The following NBAS variants were observed in gnomAD, a reference collection of about 807,000 sequenced individuals.
NBAS encodes the protein NAG/BC035112 fusion.
In NBAS, 219 loss-of-function variants were observed where a neutral mutation model predicts 302.5. That is an observed-to-expected ratio of 0.72 (90% confidence interval 0.65 to 0.81). The LOEUF is 0.81. NBAS is among the 30% of genes least tolerant of loss of function. NBAS has a pLI of 0.00. For missense variants in NBAS, 2,932 were observed against 2,841.6 expected (o/e 1.03, Z -0.72); for synonymous variants, 1,118 against 1,021.6 (o/e 1.09, Z -1.80).
intron 25 of NBAS, among the ~76,000 whole-genome samples, chr2:15,406,110 A>AC (rs1300728395): frequency 1.3e-5 from 2 of 150,124 alleles, no homozygotes; most frequent in Non-Finnish European, 3.0e-5. Flanking sequence ...ATGTAAAAAA[A>AC]AAAAACAAAA....
the NBAS span, among the ~76,000 whole-genome samples, chr2:14,900,125 T>TTTTTTTTTC: frequency 3.9e-5 from 6 of 151,964 alleles, no homozygotes; most frequent in Admixed American, 6.6e-5. Flanking sequence ...TTTTTTTTTT[T>TTTTTTTTTC]TGACTGGTTC....
chr2:15,341,091 G>T (rs932084217), intron 35 of NBAS, among the ~76,000 whole-genome samples: 1 of 152,148 alleles, frequency 6.6e-6, no homozygotes, highest in Non-Finnish European at 1.5e-5. Context: ...TTCCTTAAAA[G>T]TAAAAGGAGA....
At chr2:15,138,567 T>A in the NBAS span, among the ~76,000 whole-genome samples, 10 of 152,158 alleles carry the variant, frequency 6.6e-5, no homozygotes, top group African/African-American at 2.2e-4. Context: ...GCCCAGGACC[T>A]GGAGGCCAAC....
chr2:14,879,932 A>T, the NBAS span, among the ~76,000 whole-genome samples: 1 of 152,204 alleles, frequency 6.6e-6, no homozygotes, highest in Non-Finnish European at 1.5e-5. Flanking sequence ...AAGACAGGGT[A>T]GACTAGCAAT....
At chr2:14,888,121 C>G in the NBAS span, among the ~76,000 whole-genome samples, 52 of 151,386 alleles carry the variant, frequency 3.4e-4, no homozygotes, top group African/African-American at 1.1e-3. Context: ...ACGTTTTATC[C>G]CTTTATTTAT....
the NBAS span, among the ~76,000 whole-genome samples, chr2:14,806,304 G>C: frequency 6.6e-6 from 1 of 152,114 alleles, no homozygotes; most frequent in African/African-American, 2.4e-5. Flanking sequence ...CCTATGTTGT[G>C]ATCTTCCATC....
At chr2:15,167,383 G>A (rs1664080178) in intron 51 of NBAS, 60 bp from the exon 52 acceptor site, 8 of 1,589,526 alleles carry the variant, frequency 5.0e-6, no homozygotes, top group East Asian at 4.5e-5. Flanking sequence ...CCTCCCCCTT[G>A]GATCCCTCGC....
chr2:15,076,213 T>C, the NBAS span, among the ~76,000 whole-genome samples: 1 of 152,298 alleles, frequency 6.6e-6, no homozygotes, highest in South Asian at 2.1e-4. Flanking sequence ...AGTGTTTGCT[T>C]TGTCTTATCT....
intron 40 of NBAS, among the ~76,000 whole-genome samples, chr2:15,302,907 G>T (rs973109515): frequency 1.3e-5 from 2 of 152,198 alleles, no homozygotes; most frequent in Non-Finnish European, 1.5e-5. Context: ...TCCCATGCTG[G>T]ATGCTTCCTG....
At chr2:15,138,433 C>G in the NBAS span, among the ~76,000 whole-genome samples, 1 of 152,086 alleles carries the variant, frequency 6.6e-6, no homozygotes, top group Admixed American at 6.6e-5. Flanking sequence ...CTCAGATCAG[C>G]CTCATGGACA....
chr2:15,036,223 T>G, the NBAS span, among the ~76,000 whole-genome samples: 122,052 of 152,166 alleles, frequency 0.8, 49,478 homozygotes, highest in East Asian at 1. Flanking sequence ...TGACCTTGAA[T>G]CTTATTCATG....
At position 15,498,712 on chromosome 2, in the gene NBAS, T is replaced by C. The variant is rs575205978; in HGVS notation, c.954+5433A>G. Among the ~76,000 whole-genome samples, 62 of 152,244 alleles carry C rather than the reference T, an allele frequency of 4.1e-4. No individual in the cohort carries two copies. In the South Asian group the frequency reaches 0.01, roughly 25 times the overall value. Reference sequence around the variant, plus strand: ...CATGATAGTGAGTTCTCACAAGATCTGATGGTTTAAGTGTGTGGCACTTCC... The same window carrying C: ...CATGATAGTGAGTTCTCACAAGATCCGATGGTTTAAGTGTGTGGCACTTCC... On this transcript the variant is annotated intron_variant, in intron 11 of 51. Transcript: ENST00000281513.
chr2:14,815,584 C>T, the NBAS span, among the ~76,000 whole-genome samples: 19 of 152,190 alleles, frequency 1.2e-4, no homozygotes, highest in Non-Finnish European at 2.8e-4. Flanking sequence ...GTTTATTTGT[C>T]CTATTGGAAA....
chr2:14,902,193 A>C, the NBAS span, among the ~76,000 whole-genome samples: 5 of 152,258 alleles, frequency 3.3e-5, no homozygotes, highest in African/African-American at 1.2e-4. Context: ...GTGCAGTGGC[A>C]TGATCTCAGC....
chr2:14,956,576 C>A, the NBAS span, among the ~76,000 whole-genome samples: 2 of 152,180 alleles, frequency 1.3e-5, no homozygotes, highest in Non-Finnish European at 1.5e-5. Context: ...CTCAGTTCTG[C>A]ATGGCTGAGA....
downstream of NBAS, among the ~76,000 whole-genome samples, chr2:15,162,787 T>A (rs555423146): frequency 6.6e-5 from 10 of 152,332 alleles, no homozygotes; most frequent in South Asian, 2.1e-3. Flanking sequence ...TCATTGTATG[T>A]GCCATCTTCA....
chr2:14,933,408 A>C, the NBAS span, among the ~76,000 whole-genome samples: 13 of 152,244 alleles, frequency 8.5e-5, no homozygotes, highest in Non-Finnish European at 1.8e-4. Context: ...GAGAAAAAGC[A>C]CACAACCTAA....
chr2:15,431,389 C>A (rs1322411194), intron 21 of NBAS, among the ~76,000 whole-genome samples: 1 of 152,104 alleles, frequency 6.6e-6, no homozygotes, highest in Non-Finnish European at 1.5e-5. Context: ...AATAAAATCA[C>A]CGTAAGTTCT....
chr2:15,527,119 A>T (rs1301879005), intron 9 of NBAS, among the ~76,000 whole-genome samples: 1 of 151,888 alleles, frequency 6.6e-6, no homozygotes, highest in Non-Finnish European at 1.5e-5. Context: ...AAACACAGAA[A>T]TGTGGGGTAT....
Sources: gnomAD v4.1 joint callset for allele counts (sites outside exome capture counted in the v4.1 genomes callset) on GRCh38, gnomAD v4.1.1 for gene constraint, MANE v1.5 for transcripts, NCBI Gene and HGNC (gene_info 2026-07-23, HGNC 2026-07-21) for gene names.